The following RBFOX1 variants were observed in gnomAD, a reference collection of about 807,000 sequenced individuals.
RBFOX1 encodes RNA binding fox-1 homolog 1, also known as RNA binding protein fox-1 homolog 1.
RBFOX1 carries 8 observed loss-of-function variants against 57.7 expected under a neutral mutation model. The observed-to-expected ratio is 0.14, with a 90% confidence interval of 0.08 to 0.25. The LOEUF is 0.25. Among genes scored for constraint, RBFOX1 ranks in the 10% least tolerant of loss-of-function variants. RBFOX1 has a pLI of 1.00. For synonymous variants in RBFOX1, 326 were observed against 222.4 expected (o/e 1.47, Z -4.15); for missense variants, 611 against 548.5 (o/e 1.11, Z -1.14).
At chr16:7,549,152 C>T (rs1029573481) in intron 5 of RBFOX1, among the ~76,000 whole-genome samples, 1 of 152,234 alleles carries the variant, frequency 6.6e-6, no homozygotes, top group Non-Finnish European at 1.5e-5. Flanking sequence ...GAGAGAAGAG[C>T]TGGCATATGC....
intron 3 of RBFOX1, among the ~76,000 whole-genome samples, chr16:5,713,736 A>G (rs1400254733): frequency 6.6e-6 from 1 of 152,234 alleles, no homozygotes; most frequent in Non-Finnish European, 1.5e-5. Context: ...ACAGCATCAC[A>G]GAGAGACTCA....
intron 3 of RBFOX1, among the ~76,000 whole-genome samples, chr16:5,850,582 T>G (rs1408076578): frequency 6.6e-6 from 1 of 152,214 alleles, no homozygotes; most frequent in Admixed American, 6.5e-5. Context: ...CAGACACCTC[T>G]GCATGTTTAC....
At chr16:7,368,727 C>G (rs961768212) in intron 4 of RBFOX1, among the ~76,000 whole-genome samples, 3 of 149,988 alleles carry the variant, frequency 2.0e-5, no homozygotes, top group African/African-American at 7.4e-5. Context: ...TTGCAGTGAG[C>G]TGAGATCACG....
intron 4 of RBFOX1, among the ~76,000 whole-genome samples, chr16:7,132,376 T>C (rs1191531617): frequency 1.3e-5 from 2 of 151,232 alleles, no homozygotes; most frequent in Non-Finnish European, 2.9e-5. Flanking sequence ...AGCTGAGAGA[T>C]GGAAGCAACC....
Position 6,930,227 on chromosome 16 carries a change from A to C in RBFOX1, c.-15-121830A>C, listed in dbSNP as rs193051046. 2.6e-4 allele frequency among the ~76,000 whole-genome samples: 40 copies of C among 152,362 alleles called. 2 individuals are homozygous for C. Among genetic ancestry groups the C allele is most frequent in the African/African-American group, 9.4e-4 (39 of 41,586 alleles). Reference sequence around the variant, plus strand: ...ATATTGAGAACTCCTAAAACTCAACAACAGAAAAGCAAACAAGCTGACTCA... The same window carrying C: ...ATATTGAGAACTCCTAAAACTCAACCACAGAAAAGCAAACAAGCTGACTCA... On this transcript the variant is annotated intron_variant, in intron 3 of 15. Transcript: ENST00000550418.
At chr16:6,909,046 A>T (rs548637896) in intron 3 of RBFOX1, among the ~76,000 whole-genome samples, 2 of 152,174 alleles carry the variant, frequency 1.3e-5, no homozygotes, top group African/African-American at 4.8e-5. Context: ...CTATAACTAA[A>T]TGATCACCAA....
intron 1 of RBFOX1, among the ~76,000 whole-genome samples, chr16:5,375,724 C>T (rs895079932): frequency 6.6e-6 from 1 of 152,230 alleles, no homozygotes; most frequent in Non-Finnish European, 1.5e-5. Context: ...AAATGGGAAA[C>T]ATCTTTGGTG....
At chr16:5,816,492 A>T (rs748531896) in intron 3 of RBFOX1, among the ~76,000 whole-genome samples, 2 of 152,128 alleles carry the variant, frequency 1.3e-5, no homozygotes, top group Admixed American at 6.5e-5. Context: ...TGCATCTCCT[A>T]TCTGAAGCTC....
intron 11 of RBFOX1, among the ~76,000 whole-genome samples, chr16:7,646,885 G>A (rs1242042037): frequency 6.6e-6 from 1 of 152,176 alleles, no homozygotes; most frequent in Non-Finnish European, 1.5e-5. Context: ...AAGAGGGAGA[G>A]AAGACACACT....
intron 2 of RBFOX1, among the ~76,000 whole-genome samples, chr16:6,484,741 G>A (rs188275540): frequency 1.2e-4 from 19 of 152,248 alleles, no homozygotes; most frequent in Admixed American, 8.5e-4. Flanking sequence ...AAGCAGAATT[G>A]TGAATCCAAA....
chr16:6,167,571 A>G (rs1335647417), intron 1 of RBFOX1, among the ~76,000 whole-genome samples: 1 of 152,214 alleles, frequency 6.6e-6, no homozygotes, highest in Non-Finnish European at 1.5e-5. Flanking sequence ...CACAGTCAGT[A>G]CTGCCTCTTT....
intron 4 of RBFOX1, among the ~76,000 whole-genome samples, chr16:5,952,577 A>T (rs77334713): frequency 0.065 from 9,863 of 152,252 alleles, 1,029 homozygotes; most frequent in African/African-American, 0.22. Flanking sequence ...ATAAGTCACC[A>T]TGCCCAGCCT....
intron 1 of RBFOX1, among the ~76,000 whole-genome samples, chr16:6,102,492 C>G (rs752687840): frequency 9.2e-5 from 14 of 152,158 alleles, no homozygotes; most frequent in South Asian, 2.1e-4. Context: ...ACATCTTTCT[C>G]TGCACAGGAA....
rs74852220 is a variant in RBFOX1, at chr16:5,738,696, C to T, written c.319-128607C>T. On this transcript the variant is annotated intron_variant, in intron 3 of 19. Transcript: ENST00000641259. ...AGTATAAAGCACATTCCATTGATTT[C>T]AGTCTGACTGCAGGTTTTCCACTGG... Among the ~76,000 whole-genome samples the T allele has an allele frequency of 2.1e-3, 310 of 148,638 alleles. 2 individuals are homozygous for T. Among genetic ancestry groups the T allele is most frequent in the African/African-American group, 7.0e-3 (282 of 40,556 alleles).
At chr16:6,608,789 G>A (rs1154978) in intron 2 of RBFOX1, among the ~76,000 whole-genome samples, 103,329 of 152,134 alleles carry the variant, frequency 0.68, 35,588 homozygotes, top group Admixed American at 0.75. Flanking sequence ...AACAAAAACA[G>A]AAGTTGGTCA....
At chr16:5,983,670 T>G (rs2060218958) in intron 4 of RBFOX1, among the ~76,000 whole-genome samples, 2 of 152,128 alleles carry the variant, frequency 1.3e-5, no homozygotes, top group African/African-American at 4.8e-5. Context: ...TAACTCAACC[T>G]CCATCCTGCT....
rs183366648 is a variant in RBFOX1 at position 6,101,872 on chromosome 16, T to C, written c.-127+81880T>C. 2.3e-3 allele frequency among the ~76,000 whole-genome samples: 349 copies of C among 152,278 alleles called. 8 individuals are homozygous for C. The East Asian group carries it at 0.036, about 16-fold the overall frequency. On this transcript the variant is annotated intron_variant, in intron 1 of 15. Transcript: ENST00000550418. ...CCGGGGCAGCTGTAGTGGGAATCTG[T>C]GGGGCCAGATTGTCCGTTCCTGGGA...
intron 1 of RBFOX1, among the ~76,000 whole-genome samples, chr16:6,199,042 G>T: frequency 6.6e-6 from 1 of 151,732 alleles, no homozygotes; most frequent in Non-Finnish European, 1.5e-5. Flanking sequence ...AAGCAAATAG[G>T]TCACGTGTTT....
In RBFOX1 at chr16:6,871,959, GTGTT is replaced by G. The variant is rs2060981275; in HGVS notation, c.-15-180096_-15-180093del. Among the ~76,000 whole-genome samples, 9 of 126,354 alleles carry G rather than the reference GTGTT, an allele frequency of 7.1e-5. No homozygotes were observed. The South Asian group carries it at 2.2e-3, about 32-fold the overall frequency. The allele number at this position is 126,354 out of a possible 152,430, so 82.9% of individuals were successfully genotyped here. ...TGTGTGTGTGTGTGTGTGTGTGTGTGTGTTTCCCTCGGTAGAGTATGGGGATCTC... is the reference window on the plus strand; with the variant it reads ...TGTGTGTGTGTGTGTGTGTGTGTGTGTCCCTCGGTAGAGTATGGGGATCTC... On this transcript the variant is annotated intron_variant, in intron 3 of 15. Coordinates refer to ENST00000550418, the MANE Select transcript of RBFOX1 (RefSeq NM_018723.4).
Sources: allele counts gnomAD v4.1 joint callset (sites outside exome capture counted in the v4.1 genomes callset), GRCh38; gene constraint gnomAD v4.1.1; transcripts MANE v1.5; gene names NCBI Gene and HGNC (gene_info 2026-07-23, HGNC 2026-07-21).